ATP2B4: variants seen among roughly 807,000 people sequenced by gnomAD.
The protein encoded by ATP2B4 is ATPase plasma membrane Ca2+ transporting 4.
In ATP2B4, 39 loss-of-function variants were observed where a neutral mutation model predicts 110.3. The ratio of observed to expected loss-of-function variants is 0.35; its 90% confidence interval spans 0.27 to 0.46. The LOEUF is 0.46. ATP2B4 is among the 20% of genes least tolerant of loss of function. ATP2B4 has a pLI of 1.00. For missense variants in ATP2B4, 1,135 were observed against 1,530.9 expected, an observed-to-expected ratio of 0.74 and a Z score of 4.32; for synonymous variants, 538 against 571.7, an observed-to-expected ratio of 0.94 and a Z score of 0.84.
intron 1 of ATP2B4, among the ~76,000 whole-genome samples, chr1:203,676,396 A>G (rs1052235020): frequency 2.6e-5 from 4 of 152,122 alleles, no homozygotes; most frequent in Admixed American, 2.0e-4. Flanking sequence ...GGGTCATGGA[A>G]ATAAGGAGCC....
chr1:203,709,607 C>A, intron 11 of ATP2B4, 65 bp downstream of exon 11: 1 of 1,601,336 alleles, frequency 6.2e-7, no homozygotes. Context: ...TGGGTGCACA[C>A]CCCACACTGA....
At chr1:203,673,795 G>A (rs1418075729) in intron 1 of ATP2B4, among the ~76,000 whole-genome samples, 2 of 152,170 alleles carry the variant, frequency 1.3e-5, no homozygotes, top group Admixed American at 6.5e-5. Context: ...GGCCTCCTCA[G>A]TCTGTGGCCA....
chr1:203,705,837 C>T (rs1333815645), intron 8 of ATP2B4, among the ~76,000 whole-genome samples: 1 of 152,134 alleles, frequency 6.6e-6, no homozygotes, highest in Non-Finnish European at 1.5e-5. Context: ...AGATGCTTTC[C>T]ACCACCTGGA....
chr1:203,635,411 G>A (rs376751039), intron 1 of ATP2B4, among the ~76,000 whole-genome samples: 3 of 152,306 alleles, frequency 2.0e-5, no homozygotes, highest in South Asian at 2.1e-4. Context: ...TGGAGCAGGT[G>A]CATGCCACCA....
chr1:203,720,600 G>A lies in ATP2B4; in HGVS notation c.2458G>A (p.Asp820Asn). ...AKEASDIILT[D>N]DNFTSIVKAV... ...GGAGGCTTCAGACATCATCCTAACA[G>A]ATGACAACTTCACCAGCATTGTGAA... The change falls in exon 16 of 21, where the codon GAT becomes AAT. Residue 820 changes from aspartate to asparagine, a missense_variant. Physicochemically the swap from Asp to Asn is conservative, Grantham distance 23. Around this residue, in one of 9 missense-constraint regions of ATP2B4, gnomAD observed 70 missense variants for 142.4 expected, o/e 0.49. Coordinates refer to ENST00000357681, the MANE Select transcript of ATP2B4 (RefSeq NM_001684.5). 6.2e-7 allele frequency: 1 copy of A among 1,613,890 alleles called. No individual in the cohort carries two copies. Among genetic ancestry groups the A allele is most frequent in the Non-Finnish European group, 8.5e-7 (1 of 1,179,840 alleles).
chr1:203,725,904 C>CTTTTTTTTTTTTTTTTTTTTTT (rs756184004), intron 19 of ATP2B4, among the ~76,000 whole-genome samples: 1 of 93,382 alleles, frequency 1.1e-5, no homozygotes, highest in African/African-American at 4.5e-5. Flanking sequence ...CTTTTCTTTT[C>CTTTTTTTTTTTTTTTTTTTTTT]TTTTTTTTTT....
intron 2 of ATP2B4, among the ~76,000 whole-genome samples, chr1:203,683,675 T>TTC (rs1665088273): frequency 7.1e-6 from 1 of 141,002 alleles, no homozygotes; most frequent in Non-Finnish European, 1.6e-5. Flanking sequence ...TCTTTTTTTT[T>TTC]TTTTTTTTTT....
rs199804431 is a variant in ATP2B4 at position 203,708,051 on chromosome 1, G to T, written c.1504G>T (p.Asp502Tyr). 1 of 1,614,126 alleles carries T rather than the reference G, an allele frequency of 6.2e-7. No individual in the cohort carries two copies. The highest frequency in any genetic ancestry group is 2.2e-5 in the East Asian group (1 of 44,878). The change falls in exon 10 of 21, where the codon GAC becomes TAC. Residue 502 changes from aspartate (D) to tyrosine (Y), a missense_variant. Around this residue, in one of 9 missense-constraint regions of ATP2B4, gnomAD observed 368 missense variants for 455.9 expected, o/e 0.81. Transcript: ENST00000357681. The part of the protein sequence containing the change: ...SPDVFLPKVL[D>Y]LIVNGISINS... ...TGATGTCTTCCTGCCCAAAGTCCTG[G>T]ACCTCATTGTCAATGGCATTTCTAT...
intron 20 of ATP2B4, chr1:203,729,584 G>T: frequency 6.0e-6 from 3 of 501,642 alleles, no homozygotes; most frequent in African/African-American, 2.0e-5. Context: ...GTGGATTGCA[G>T]ACTCACTATG....
At chr1:203,707,827 T>C in intron 9 of ATP2B4, 35 bp from the exon 10 acceptor site, 1 of 1,608,976 alleles carries the variant, frequency 6.2e-7, no homozygotes, top group African/African-American at 1.3e-5. Flanking sequence ...GTCCAGTTAG[T>C]CCCCCTCTCA....
At chr1:203,700,145 C>A in intron 4 of ATP2B4, 61 bp from the exon 5 acceptor site, 1 of 1,565,714 alleles carries the variant, frequency 6.4e-7, no homozygotes, top group African/African-American at 1.4e-5. Flanking sequence ...TTGGAGGACC[C>A]TACCCTCAGC....
At position 203,740,503 on chromosome 1, in the gene ATP2B4, A is replaced by G. The variant is rs1169774478; in HGVS notation, c.*649A>G. The G allele has an allele frequency of 6.7e-6, 1 of 149,232 alleles. No individual in the cohort carries two copies. Among genetic ancestry groups the G allele is most frequent in the Non-Finnish European group, 1.5e-5 (1 of 67,722 alleles). 9.2% of individuals were successfully genotyped at this position (149,232 alleles called of 1,614,324 possible). A position where few individuals can be genotyped will look rare whatever the true frequency, so the allele number is the denominator to read the frequency against. On this transcript the variant is annotated 3_prime_UTR_variant, in exon 21 of 21. Transcript: ENST00000357681. The stretch of plus-strand genomic sequence containing the variant: ...GAAAGGATATGGATGAATTGTGTAA[A>G]CTTAGATCCTTCTCCCTTTTGGCCC...
At chr1:203,630,829 C>A (rs534430894) in intron 1 of ATP2B4, among the ~76,000 whole-genome samples, 1 of 152,264 alleles carries the variant, frequency 6.6e-6, no homozygotes, top group Non-Finnish European at 1.5e-5. Flanking sequence ...GGGATGACAA[C>A]CTTTCTCCAC....
At chr1:203,711,182 C>A in intron 12 of ATP2B4, 74 bp downstream of exon 12, 2 of 1,423,126 alleles carry the variant, frequency 1.4e-6, no homozygotes, top group Non-Finnish European at 2.0e-6. Context: ...TGACCCCAGG[C>A]AGGTAACCTA....
At chr1:203,681,974 A>G (rs1484457821) in intron 1 of ATP2B4, among the ~76,000 whole-genome samples, 1 of 151,708 alleles carries the variant, frequency 6.6e-6, no homozygotes, top group Non-Finnish European at 1.5e-5. Flanking sequence ...CAACTGCCAA[A>G]GCATTTTACT....
Position 203,740,106 on chromosome 1 carries a change from G to C in ATP2B4, c.*252G>C. On this transcript the variant is annotated 3_prime_UTR_variant, in exon 21 of 21. Transcript: ENST00000357681. ...CAGGTCATGGTAGAATCTACTCCTT[G>C]GTAGTCACTTGTCATTTTTAAAGAA... The C allele has an allele frequency of 2.2e-6, 1 of 449,704 alleles. No individual in the cohort carries two copies. The highest frequency in any genetic ancestry group is 3.9e-5 in the South Asian group (1 of 25,348). The allele number at this position is 449,704 out of a possible 1,614,324, so 27.9% of individuals were successfully genotyped here.
intron 6 of ATP2B4, among the ~76,000 whole-genome samples, chr1:203,701,593 C>T (rs968994102): frequency 6.6e-6 from 1 of 152,176 alleles, no homozygotes; most frequent in African/African-American, 2.4e-5. Context: ...GAAAAGGAAA[C>T]AAAACACATT....
Position 203,723,467 on chromosome 1 carries a change from C to CCT in ATP2B4, c.3025-397_3025-396dup, listed in dbSNP as rs1341051332. Among the ~76,000 whole-genome samples the CCT allele has an allele frequency of 2.4e-4, 18 of 74,172 alleles. 2 individuals carry two copies. The highest frequency in any genetic ancestry group is 0.018 in the Middle Eastern group (2 of 112). The allele number at this position is 74,172 out of a possible 152,430, so 48.7% of individuals were successfully genotyped here. ...CTCTCTCTCTCTCTCTCTCCCTCTG[C>CCT]CTCTCTCTCTCTCTCTCTTTTCCCC... On this transcript the variant is annotated intron_variant, in intron 18 of 20. Transcript: ENST00000357681.
At chr1:203,736,386 T>C (rs777207572) in intron 20 of ATP2B4, among the ~76,000 whole-genome samples, 5 of 151,948 alleles carry the variant, frequency 3.3e-5, no homozygotes, top group Non-Finnish European at 5.9e-5. Context: ...GAGAATCGCT[T>C]GAACTCGGGA....
Sources: gnomAD v4.1 joint callset for allele counts (sites outside exome capture counted in the v4.1 genomes callset) on GRCh38, gnomAD v4.1.1 for gene constraint, gnomAD v4.1.1 regional missense constraint, MANE v1.5 for transcripts, NCBI Gene and HGNC (gene_info 2026-07-23, HGNC 2026-07-21) for gene names.